Variants in TRMT9B observed in about 807,000 individuals in gnomAD.
The protein encoded by TRMT9B is probable tRNA methyltransferase 9B.
TRMT9B carries 16 observed loss-of-function variants against 11.5 expected under a neutral mutation model. That is an observed-to-expected ratio of 1.39 (90% CI 0.94 to 2.11). The LOEUF (loss-of-function observed/expected upper bound fraction) is 2.11. Among genes scored for constraint, TRMT9B ranks in the 30% most tolerant of loss-of-function variants. TRMT9B has a pLI of 0.00. For synonymous variants in TRMT9B, 274 were observed against 192.4 expected (o/e 1.42, Z -3.51); for missense variants, 941 against 553.8 (o/e 1.70, Z -7.02).
intron 1 of TRMT9B, among the ~76,000 whole-genome samples, chr8:12,966,564 T>C (rs1303541149): frequency 1.3e-5 from 2 of 152,366 alleles, no homozygotes; most frequent in South Asian, 4.1e-4. Context: ...ATTTCCATGA[T>C]AATACAGCTA....
At chr8:12,974,113 GT>G (rs1804054620) in intron 1 of TRMT9B, among the ~76,000 whole-genome samples, 1 of 152,078 alleles carries the variant, frequency 6.6e-6, no homozygotes, top group Admixed American at 6.6e-5. Flanking sequence ...CAAGGCTTCA[GT>G]GAGCCAAGAT....
chr8:13,012,462 C>G (rs1040452807), intron 3 of TRMT9B: 2 of 527,668 alleles, frequency 3.8e-6, no homozygotes, highest in Non-Finnish European at 5.6e-6. Flanking sequence ...ATGATCCCAC[C>G]TACTCGGGAG....
At chr8:12,995,522 A>C (rs1021351204) in intron 2 of TRMT9B, among the ~76,000 whole-genome samples, 2 of 152,042 alleles carry the variant, frequency 1.3e-5, no homozygotes, top group Admixed American at 1.3e-4. Flanking sequence ...CATGATAATC[A>C]CTCAATACAT....
Position 12,991,031 on chromosome 8 carries a change from G to T in TRMT9B, c.-2G>T. Reference sequence around the variant, plus strand: ...TTTCCTGTAATCACAGGATGACTCAGGTTAGTAGCTTTCAGCGCTTCTGCA... The same window carrying T: ...TTTCCTGTAATCACAGGATGACTCATGTTAGTAGCTTTCAGCGCTTCTGCA... On this transcript the variant is annotated splice_region_variant and 5_prime_UTR_variant, in exon 2 of 5. The change creates a new upstream start codon in the 5' untranslated region. Coordinates refer to ENST00000524591, the MANE Select transcript of TRMT9B (RefSeq NM_020844.3). The T allele has an allele frequency of 1.6e-6, 2 of 1,223,450 alleles. No individual in the cohort carries two copies. The highest frequency in any genetic ancestry group is 1.5e-5 in the South Asian group (1 of 68,282). 75.8% of individuals were successfully genotyped at this position (1,223,450 alleles called of 1,614,324 possible). A position where few individuals can be genotyped will look rare whatever the true frequency, so the allele number is the denominator to read the frequency against.
intron 4 of TRMT9B, among the ~76,000 whole-genome samples, chr8:13,016,806 T>A (rs767135519): frequency 7.3e-5 from 11 of 149,680 alleles, no homozygotes; most frequent in Admixed American, 1.4e-4. Context: ...TTTTTAATTG[T>A]CACAACTGGA....
At chr8:12,981,361 A>G (rs1277385373) in intron 1 of TRMT9B, among the ~76,000 whole-genome samples, 1 of 152,186 alleles carries the variant, frequency 6.6e-6, no homozygotes, top group Non-Finnish European at 1.5e-5. Flanking sequence ...GTGGGACATC[A>G]TGAGCAAAGA....
intron 1 of TRMT9B, among the ~76,000 whole-genome samples, chr8:12,954,531 C>G (rs1186820522): frequency 6.6e-6 from 1 of 152,144 alleles, no homozygotes; most frequent in Non-Finnish European, 1.5e-5. Context: ...CGATTAAGCC[C>G]CTGGTATAAT....
At chr8:12,992,888 A>G (rs892697592) in intron 2 of TRMT9B, among the ~76,000 whole-genome samples, 5 of 152,148 alleles carry the variant, frequency 3.3e-5, no homozygotes, top group African/African-American at 1.2e-4. Flanking sequence ...AAAACTAAAA[A>G]TAAGTCCTGG....
intron 2 of TRMT9B, among the ~76,000 whole-genome samples, chr8:13,000,278 C>G (rs746289522): frequency 2.0e-5 from 3 of 152,150 alleles, no homozygotes; most frequent in South Asian, 2.1e-4. Context: ...AAATGTTAGC[C>G]TAATCACATG....
chr8:12,960,783 C>A (rs965652015), intron 1 of TRMT9B, among the ~76,000 whole-genome samples: 1 of 152,058 alleles, frequency 6.6e-6, no homozygotes, highest in Non-Finnish European at 1.5e-5. Flanking sequence ...GTAAAAAGAT[C>A]AGTGGTTGCC....
chr8:12,997,310 G>A (rs186222067), intron 2 of TRMT9B, among the ~76,000 whole-genome samples: 6 of 152,034 alleles, frequency 3.9e-5, no homozygotes, highest in African/African-American at 1.4e-4. Context: ...GTTTAAAGGA[G>A]CCTGGCATCT....
intron 2 of TRMT9B, among the ~76,000 whole-genome samples, chr8:13,003,206 T>C (rs1809786068): frequency 6.6e-6 from 1 of 152,152 alleles, no homozygotes; most frequent in Non-Finnish European, 1.5e-5. Flanking sequence ...TGGGATGCAA[T>C]AGCTGATAGC....
chr8:12,946,669 G>C (rs80113009), intron 1 of TRMT9B, among the ~76,000 whole-genome samples: 2,876 of 152,282 alleles, frequency 0.019, 40 homozygotes, highest in South Asian at 0.038. Context: ...GTTTTTCCTT[G>C]CAGTTAGAAA....
chr8:13,001,689 A>AT (rs1563399286), intron 2 of TRMT9B, among the ~76,000 whole-genome samples: 2 of 152,130 alleles, frequency 1.3e-5, no homozygotes, highest in Non-Finnish European at 2.9e-5. Flanking sequence ...AAAAAGCGAG[A>AT]TTTTTGAAAC....
At chr8:12,950,537 T>TTTTCTTTCTTTCTTTC (rs59371113) in intron 1 of TRMT9B, among the ~76,000 whole-genome samples, 8,419 of 149,440 alleles carry the variant, frequency 0.056, 319 homozygotes, top group Non-Finnish European at 0.078. Context: ...ACTCGTGGTT[T>TTTTCTTTCTTTCTTTC]TTTCTTTCTT....
At chr8:12,946,795 GAGA>G (rs1401022318) in intron 1 of TRMT9B, among the ~76,000 whole-genome samples, 1 of 152,178 alleles carries the variant, frequency 6.6e-6, no homozygotes, top group Non-Finnish European at 1.5e-5. Flanking sequence ...CAGGAAGAAA[GAGA>G]AGAAGTGGCA....
intron 1 of TRMT9B, among the ~76,000 whole-genome samples, chr8:12,949,852 C>T (rs548443701): frequency 6.6e-6 from 1 of 152,062 alleles, no homozygotes; most frequent in Non-Finnish European, 1.5e-5. Context: ...CTAGTTAATT[C>T]TATTTATTTA....
intron 1 of TRMT9B, among the ~76,000 whole-genome samples, chr8:12,960,772 T>G (rs1431570356): frequency 6.6e-6 from 1 of 152,146 alleles, no homozygotes; most frequent in Non-Finnish European, 1.5e-5. Context: ...CTCTAGAGAC[T>G]GTAAAAAGAT....
At chr8:12,980,632 G>C (rs973845693) in intron 1 of TRMT9B, among the ~76,000 whole-genome samples, 53 of 152,130 alleles carry the variant, frequency 3.5e-4, no homozygotes, top group African/African-American at 1.3e-3. Context: ...CACAGCACTA[G>C]TGCCAAAGCC....
Sources: allele counts gnomAD v4.1 joint callset (sites outside exome capture counted in the v4.1 genomes callset), GRCh38; gene constraint gnomAD v4.1.1; transcripts MANE v1.5; gene names NCBI Gene and HGNC (gene_info 2026-07-23, HGNC 2026-07-21).